PALM2AKAP2: variants seen among roughly 807,000 people sequenced by gnomAD.
The protein encoded by PALM2AKAP2 is PALM2-AKAP2 fusion protein.
PALM2AKAP2 carries 37 observed loss-of-function variants against 71.5 expected under a neutral mutation model. The observed-to-expected ratio is 0.52, with a 90% confidence interval of 0.40 to 0.68. The LOEUF is 0.68. PALM2AKAP2 is among the 30% of genes least tolerant of loss of function. The probability of loss-of-function intolerance (pLI) is 0.00; values close to 1 mark genes in which losing one functional copy is unlikely to be tolerated. For missense variants in PALM2AKAP2, 1,224 were observed against 1,191.8 expected (o/e 1.03, Z -0.40); for synonymous variants, 468 against 478.8 (o/e 0.98, Z 0.29).
intron 2 of PALM2AKAP2, among the ~76,000 whole-genome samples, chr9:109,870,619 A>G (rs777986052): frequency 1.3e-5 from 2 of 152,248 alleles, no homozygotes; most frequent in Non-Finnish European, 1.5e-5. Context: ...GCCCAAGACC[A>G]TAGAGACTAT....
At chr9:110,037,553 C>A (rs1833435635) in intron 7 of PALM2AKAP2, among the ~76,000 whole-genome samples, 1 of 152,160 alleles carries the variant, frequency 6.6e-6, no homozygotes, top group African/African-American at 2.4e-5. Flanking sequence ...AAGCTCTAGG[C>A]ATCTAGAAAT....
At chr9:110,098,829 G>T (rs1458808679) in intron 1 of PALM2AKAP2, among the ~76,000 whole-genome samples, 1 of 152,124 alleles carries the variant, frequency 6.6e-6, no homozygotes, top group Non-Finnish European at 1.5e-5. Context: ...TCATTTCCAC[G>T]CACCTCCACA....
At chr9:110,125,253 G>C (rs1452595387) in intron 1 of PALM2AKAP2, among the ~76,000 whole-genome samples, 2 of 152,138 alleles carry the variant, frequency 1.3e-5, no homozygotes, top group Non-Finnish European at 2.9e-5. Flanking sequence ...AGTGGTAGCT[G>C]ATTCACATCA....
chr9:110,059,062 C>A (rs536942899), intron 1 of PALM2AKAP2, among the ~76,000 whole-genome samples: 10 of 151,918 alleles, frequency 6.6e-5, no homozygotes, highest in African/African-American at 2.4e-4. Flanking sequence ...ACCACGCCCA[C>A]GTAATTTTTG....
upstream of PALM2AKAP2, among the ~76,000 whole-genome samples, chr9:110,048,220 G>A (rs1365317241): frequency 6.6e-6 from 1 of 152,178 alleles, no homozygotes; most frequent in African/African-American, 2.4e-5. Flanking sequence ...GGGACGAGGG[G>A]CTGTTTCCCC....
At chr9:109,643,229 T>C (rs1371135392) in intron 1 of PALM2AKAP2, among the ~76,000 whole-genome samples, 3 of 152,194 alleles carry the variant, frequency 2.0e-5, no homozygotes, top group Admixed American at 6.5e-5. Context: ...GGCTTGGATA[T>C]ACGGAACAGA....
At chr9:109,721,958 T>C (rs548170632) in intron 1 of PALM2AKAP2, among the ~76,000 whole-genome samples, 2 of 152,252 alleles carry the variant, frequency 1.3e-5, no homozygotes, top group African/African-American at 4.8e-5. Flanking sequence ...TAACTTTTAA[T>C]GCATCCCTAT....
intron 3 of PALM2AKAP2, among the ~76,000 whole-genome samples, chr9:109,894,618 C>T (rs1323897764): frequency 2.6e-5 from 4 of 152,134 alleles, no homozygotes; most frequent in South Asian, 2.1e-4. Flanking sequence ...GTTTGAGTGT[C>T]GTTGCACTCA....
At chr9:109,855,070 C>A (rs1022413719) in intron 1 of PALM2AKAP2, among the ~76,000 whole-genome samples, 1 of 146,652 alleles carries the variant, frequency 6.8e-6, no homozygotes, top group South Asian at 2.2e-4. Context: ...GCCTGGTGCC[C>A]CCCCCTTTTT....
At chr9:110,038,935 C>CAAAAAAAAAAAAAAA (rs71373959) in intron 7 of PALM2AKAP2, among the ~76,000 whole-genome samples, 2 of 78,372 alleles carry the variant, frequency 2.6e-5, no homozygotes, top group African/African-American at 5.4e-5. Context: ...AACTCGGTCT[C>CAAAAAAAAAAAAAAA]AAAAAAAAAA....
chr9:109,818,139 G>C (rs576735524), intron 1 of PALM2AKAP2, among the ~76,000 whole-genome samples: 86 of 152,332 alleles, frequency 5.6e-4, no homozygotes, highest in African/African-American at 2.0e-3. Context: ...TTTAAAAATA[G>C]TGTACGCTAA....
chr9:109,843,745 G>T (rs545476119), intron 1 of PALM2AKAP2, among the ~76,000 whole-genome samples: 5 of 152,146 alleles, frequency 3.3e-5, no homozygotes, highest in Admixed American at 6.5e-5. Flanking sequence ...CTGGAACAAG[G>T]TGCATCTCAA....
intron 1 of PALM2AKAP2, among the ~76,000 whole-genome samples, chr9:110,131,577 G>C (rs1326052328): frequency 2.0e-5 from 3 of 152,180 alleles, no homozygotes; most frequent in Non-Finnish European, 4.4e-5. Flanking sequence ...GCCTAATCCG[G>C]ATAGGTTAGA....
chr9:109,794,704 C>T (rs1429737736), intron 1 of PALM2AKAP2, among the ~76,000 whole-genome samples: 2 of 152,216 alleles, frequency 1.3e-5, no homozygotes, highest in Non-Finnish European at 2.9e-5. Flanking sequence ...TACTTCCTTT[C>T]TGCCCTCTTC....
At chr9:110,004,033 A>T (rs1316987033) in intron 6 of PALM2AKAP2, among the ~76,000 whole-genome samples, 1 of 152,114 alleles carries the variant, frequency 6.6e-6, no homozygotes, top group African/African-American at 2.4e-5. Context: ...ATTTACATTT[A>T]AGGTTAATAT....
chr9:109,757,617 A>C (rs1259060381), intron 1 of PALM2AKAP2, among the ~76,000 whole-genome samples: 1 of 152,112 alleles, frequency 6.6e-6, no homozygotes, highest in East Asian at 1.9e-4. Context: ...CGCAATATGT[A>C]CAGTTGTGTG....
intron 6 of PALM2AKAP2, among the ~76,000 whole-genome samples, chr9:110,015,612 A>G (rs1208105519): frequency 6.6e-6 from 1 of 152,168 alleles, no homozygotes; most frequent in African/African-American, 2.4e-5. Flanking sequence ...GTCTCAATAA[A>G]TAAATAAATA....
At chr9:110,012,613 AAAACTAAAATAGCATTTTT>A (rs1185791790) in intron 6 of PALM2AKAP2, among the ~76,000 whole-genome samples, 8 of 152,244 alleles carry the variant, frequency 5.3e-5, no homozygotes, top group Non-Finnish European at 7.3e-5. Flanking sequence ...TAAAACACTT[AAAACTAAAATAGCATTTTT>A]AAACTAAAAT....
intron 7 of PALM2AKAP2, among the ~76,000 whole-genome samples, chr9:110,042,662 A>T (rs1833529201): frequency 6.6e-6 from 1 of 152,332 alleles, no homozygotes; most frequent in African/African-American, 2.4e-5. Flanking sequence ...CCAACATAGT[A>T]TTGGAGGTTG....
Sources: allele counts gnomAD v4.1 joint callset (sites outside exome capture counted in the v4.1 genomes callset), GRCh38; gene constraint gnomAD v4.1.1; transcripts MANE v1.5; gene names NCBI Gene and HGNC (gene_info 2026-07-23, HGNC 2026-07-21).